The following ASRGL1 variants were observed in gnomAD, a reference collection of about 807,000 sequenced individuals.
ASRGL1 encodes isoaspartyl peptidase/L-asparaginase.
Under a neutral mutation model 22.4 loss-of-function variants are expected in ASRGL1, and 16 were observed. The observed-to-expected ratio is 0.71, with a 90% CI of 0.48 to 1.08. The LOEUF is 1.08. ASRGL1 is among the 50% of genes least tolerant of loss of function. ASRGL1 has a pLI of 0.00. For synonymous variants in ASRGL1, 165 were observed against 159.3 expected, an observed-to-expected ratio of 1.04 and a Z score of -0.27; for missense variants, 412 against 410.1, an observed-to-expected ratio of 1.00 and a Z score of -0.04.
At chr11:62,354,522 G>A (rs1226882588) in intron 2 of ASRGL1, among the ~76,000 whole-genome samples, 1 of 152,080 alleles carries the variant, frequency 6.6e-6, no homozygotes, top group Admixed American at 6.5e-5. Context: ...CTTGTGCTTC[G>A]AGACCATTAT....
chr11:62,391,993 A>T, intron 6 of ASRGL1, 86 bp from the exon 7 acceptor site: 1 of 1,479,082 alleles, frequency 6.8e-7, no homozygotes. Flanking sequence ...TTGCTAGCTC[A>T]CTTTGGCATT....
In ASRGL1 at chr11:62,356,470, A is replaced by T. The variant is rs376734611; in HGVS notation, c.333+3A>T. On this transcript the variant is annotated splice_donor_region_variant and intron_variant, in intron 3 of 6. Coordinates refer to ENST00000415229, the MANE Select transcript of ASRGL1 (RefSeq NM_001083926.2). ...TTGCTCGGCTTGTCATGGAAAAGGT[A>T]TATGTGACTAAAGCAGCCTTTTCCT... 2 of 1,614,000 alleles carry T rather than the reference A, an allele frequency of 1.2e-6. No individual in the cohort carries two copies. Among genetic ancestry groups the T allele is most frequent in the African/African-American group, 2.7e-5 (2 of 75,038 alleles).
Position 62,391,650 on chromosome 11 carries a change from C to T in ASRGL1, c.721+18C>T, listed in dbSNP as rs1445994267. ...AGAACAAGGTACACAGACCACAGGA[C>T]AAGTAAAATAATTTGTGAAGATAAG... is the stretch of plus-strand genomic sequence containing the variant. On this transcript the variant is annotated intron_variant, in intron 6 of 6. Coordinates refer to ENST00000415229, the MANE Select transcript of ASRGL1 (RefSeq NM_001083926.2). 2.5e-6 allele frequency: 4 copies of T among 1,587,064 alleles called. No homozygotes were observed. Among genetic ancestry groups the T allele is most frequent in the South Asian group, 1.1e-5 (1 of 87,616 alleles).
downstream of ASRGL1, among the ~76,000 whole-genome samples, chr11:62,397,427 A>T (rs1296391712): frequency 1.3e-5 from 2 of 152,070 alleles, no homozygotes; most frequent in East Asian, 3.9e-4. Context: ...GCACTTTGGG[A>T]GGCTGAAGCG....
chr11:62,374,030 A>G (rs2134664098), intron 4 of ASRGL1, among the ~76,000 whole-genome samples: 1 of 152,290 alleles, frequency 6.6e-6, no homozygotes, highest in African/African-American at 2.4e-5. Context: ...TGCATTCTCC[A>G]GTCCTTGCAA....
At position 62,356,969 on chromosome 11, in the gene ASRGL1, CTT is replaced by C; in HGVS notation, c.334-15_334-14del. On this transcript the variant is annotated splice_polypyrimidine_tract_variant and intron_variant, in intron 3 of 6. Coordinates refer to ENST00000415229, the MANE Select transcript of ASRGL1 (RefSeq NM_001083926.2). ...ATTTTCAAAAAAACAATCATTTTCTCTTTTCTTTCTGGCTCAGACACCTCATT... is the reference window on the plus strand; with the variant it reads ...ATTTTCAAAAAAACAATCATTTTCTCTTCTTTCTGGCTCAGACACCTCATT... 6.4e-7 allele frequency: 1 copy of C among 1,567,286 alleles called. No homozygotes were observed. The highest frequency in any genetic ancestry group is 8.6e-7 in the Non-Finnish European group (1 of 1,164,006).
chr11:62,360,638 G>C (rs959288883), intron 4 of ASRGL1, among the ~76,000 whole-genome samples: 1 of 151,986 alleles, frequency 6.6e-6, no homozygotes, highest in Non-Finnish European at 1.5e-5. Context: ...ACATTACAAA[G>C]GTTTTGTTCA....
rs1946527322 is a variant in ASRGL1 at position 62,363,234 on chromosome 11, ATTTAAATTTTT to A, written c.491+6096_491+6106del. Among the ~76,000 whole-genome samples, 10 of 151,724 alleles carry A rather than the reference ATTTAAATTTTT, an allele frequency of 6.6e-5. No homozygotes were observed. In the South Asian group the frequency reaches 2.1e-3, roughly 32 times the overall value. On this transcript the variant is annotated intron_variant, in intron 4 of 6. Coordinates refer to ENST00000415229, the MANE Select transcript of ASRGL1 (RefSeq NM_001083926.2). Reference sequence around the variant, plus strand: ...AGGCGTGAACCACCATGCCTGGCCGATTTAAATTTTTTTTAAGTTTATAGAAACAAAATCAA... The same window carrying A: ...AGGCGTGAACCACCATGCCTGGCCGATTTAAGTTTATAGAAACAAAATCAA...
chr11:62,338,785 GAAA>G (rs553788410), intron 2 of ASRGL1, among the ~76,000 whole-genome samples: 2 of 126,446 alleles, frequency 1.6e-5, no homozygotes, highest in Admixed American at 8.1e-5. Context: ...AAATACAAAA[GAAA>G]AAAAAAAAAA....
intron 4 of ASRGL1, among the ~76,000 whole-genome samples, chr11:62,368,353 C>T (rs557838468): frequency 6.6e-6 from 1 of 152,212 alleles, no homozygotes; most frequent in African/African-American, 2.4e-5. Context: ...TGTTTTACAC[C>T]TACTGCTGCT....
intron 4 of ASRGL1, among the ~76,000 whole-genome samples, chr11:62,370,769 C>A (rs185017781): frequency 6.6e-6 from 1 of 152,272 alleles, no homozygotes; most frequent in Non-Finnish European, 1.5e-5. Flanking sequence ...GCCACACATT[C>A]TTCCCAAACT....
chr11:62,396,422 TAGG>T (rs1947433799), downstream of ASRGL1, among the ~76,000 whole-genome samples: 1 of 152,168 alleles, frequency 6.6e-6, no homozygotes, highest in African/African-American at 2.4e-5. Context: ...TAAAAATATG[TAGG>T]AGGAGGCATA....
rs1358916464 is a variant in ASRGL1, at chr11:62,391,881, A to T, written c.722-198A>T. 3 of 740,578 alleles carry T rather than the reference A, an allele frequency of 4.1e-6. No homozygotes were observed. In the East Asian group the frequency reaches 8.1e-5, roughly 20 times the overall value. The allele number at this position is 740,578 out of a possible 1,614,324, so 45.9% of individuals were successfully genotyped here. On this transcript the variant is annotated intron_variant, in intron 6 of 6. Coordinates refer to ENST00000415229, the MANE Select transcript of ASRGL1 (RefSeq NM_001083926.2). ...GAGAGACATTGAGCCTGGATGTGGGAGGGAAGACCCCTCTGCTCAGGCTGA... is the reference window on the plus strand; with the variant it reads ...GAGAGACATTGAGCCTGGATGTGGGTGGGAAGACCCCTCTGCTCAGGCTGA...
intron 4 of ASRGL1, chr11:62,371,392 G>A: frequency 1.6e-6 from 1 of 615,280 alleles, no homozygotes; most frequent in Non-Finnish European, 2.7e-6. Context: ...TGTGGTGGTC[G>A]CCGAACCCGA....
At chr11:62,362,599 TTATATAAAA>T (rs1491485312) in intron 4 of ASRGL1, among the ~76,000 whole-genome samples, 1 of 59,782 alleles carries the variant, frequency 1.7e-5, no homozygotes, top group Non-Finnish European at 3.1e-5. Context: ...ATAATATATA[TTATATAAAA>T]TATATATTAT....
intron 2 of ASRGL1, among the ~76,000 whole-genome samples, chr11:62,342,568 C>T (rs1945892172): frequency 6.6e-6 from 1 of 152,042 alleles, no homozygotes; most frequent in African/African-American, 2.4e-5. Flanking sequence ...AGCAGCCTGT[C>T]CAATATGGCA....
chr11:62,398,380 A>G (rs1339983540), downstream of ASRGL1, among the ~76,000 whole-genome samples: 1 of 152,062 alleles, frequency 6.6e-6, no homozygotes, highest in Non-Finnish European at 1.5e-5. Context: ...TTTCCCACAC[A>G]GCTAGGAGCC....
chr11:62,344,611 T>C (rs1945965826), intron 2 of ASRGL1, among the ~76,000 whole-genome samples: 1 of 151,564 alleles, frequency 6.6e-6, no homozygotes, highest in African/African-American at 2.4e-5. Context: ...TTTTTTTTTG[T>C]GGCTACATAG....
intron 4 of ASRGL1, chr11:62,371,092 T>G (rs1946748154): frequency 1.5e-6 from 1 of 673,088 alleles, no homozygotes; most frequent in Non-Finnish European, 2.2e-6. Context: ...CTTCTCTTCC[T>G]TTTTTCTCTC....
Sources: gnomAD v4.1 joint callset for allele counts (sites outside exome capture counted in the v4.1 genomes callset) on GRCh38, gnomAD v4.1.1 for gene constraint, MANE v1.5 for transcripts, NCBI Gene and HGNC (gene_info 2026-07-23, HGNC 2026-07-21) for gene names.